Variants in NUBPL observed in about 807,000 individuals in gnomAD.
NUBPL encodes NUBP iron-sulfur cluster assembly factor, mitochondrial, also known as iron-sulfur cluster transfer protein NUBPL.
NUBPL carries 31 observed loss-of-function variants against 45.7 expected under a neutral mutation model. The ratio of observed to expected loss-of-function variants is 0.68; its 90% CI spans 0.51 to 0.92. The LOEUF (loss-of-function observed/expected upper bound fraction) is 0.92, where lower values mean the gene tolerates loss of function less well. Among genes scored for constraint, NUBPL ranks in the 40% least tolerant of loss-of-function variants. NUBPL has a pLI of 0.00. For synonymous variants in NUBPL, 144 were observed against 140.9 expected (o/e 1.02, Z -0.15); for missense variants, 401 against 398.7 (o/e 1.01, Z -0.05).
At chr14:31,607,683 G>A (rs1456704804) in intron 4 of NUBPL, among the ~76,000 whole-genome samples, 1 of 151,830 alleles carries the variant, frequency 6.6e-6, no homozygotes, top group African/African-American at 2.4e-5. Flanking sequence ...AAAATATATA[G>A]TCAGAGGAGA....
Position 31,826,644 on chromosome 14 carries a change from C to T in NUBPL, c.623C>T (p.Ser208Phe). 1 of 1,614,086 alleles carries T rather than the reference C, an allele frequency of 6.2e-7. No individual in the cohort carries two copies. Among genetic ancestry groups the T allele is most frequent in the Non-Finnish European group, 8.5e-7 (1 of 1,179,948 alleles). ...NIPITGAVIV[S>F]TPQDIALMDA... Reference sequence around the variant, plus strand: ...CTTTGGCTAGGTGCTGTGATTGTCTCCACGCCCCAGGACATCGCATTGATG... The same window carrying T: ...CTTTGGCTAGGTGCTGTGATTGTCTTCACGCCCCAGGACATCGCATTGATG... Residue 208 changes from serine to phenylalanine, a missense_variant, in exon 8 of 11, where the codon TCC (serine) becomes TTC (phenylalanine). Physicochemically the swap from Ser to Phe is radical, Grantham distance 155 (BLOSUM62 -2). Coordinates refer to ENST00000281081, the MANE Select transcript of NUBPL (RefSeq NM_025152.3).
chr14:31,621,290 G>A (rs994143912), intron 4 of NUBPL, among the ~76,000 whole-genome samples: 1 of 152,060 alleles, frequency 6.6e-6, no homozygotes, highest in African/African-American at 2.4e-5. Context: ...GGGAGTGAAC[G>A]GTTTTTTTTC....
chr14:31,683,061 T>C (rs371807236), intron 6 of NUBPL, among the ~76,000 whole-genome samples: 13 of 142,024 alleles, frequency 9.2e-5, no homozygotes, highest in Admixed American at 7.3e-4. Context: ...TAGAAACTAA[T>C]AGAGTGAGAA....
chr14:31,694,673 G>A (rs1455398880), intron 6 of NUBPL, among the ~76,000 whole-genome samples: 3 of 152,118 alleles, frequency 2.0e-5, no homozygotes, highest in Admixed American at 6.5e-5. Flanking sequence ...GCGCCATGAC[G>A]TCTGGCTAAT....
intron 7 of NUBPL, among the ~76,000 whole-genome samples, chr14:31,816,350 T>C (rs1211974612): frequency 6.6e-6 from 1 of 152,200 alleles, no homozygotes; most frequent in Non-Finnish European, 1.5e-5. Context: ...GATGGTAGTT[T>C]GTATTTCTGT....
At chr14:31,605,837 T>C (rs796341540) in intron 4 of NUBPL, among the ~76,000 whole-genome samples, 1 of 143,952 alleles carries the variant, frequency 6.9e-6, no homozygotes, top group African/African-American at 2.7e-5. Context: ...CGTCTCCTCC[T>C]TTCTTCCTCC....
intron 4 of NUBPL, among the ~76,000 whole-genome samples, chr14:31,601,830 G>A (rs1350906640): frequency 6.6e-6 from 1 of 152,144 alleles, no homozygotes; most frequent in African/African-American, 2.4e-5. Context: ...AGTCAGTGTG[G>A]CGATTCCTCA....
In NUBPL at chr14:31,583,827, C is replaced by G. The variant is rs529360140; in HGVS notation, c.292-15462C>G. Among the ~76,000 whole-genome samples, 297 of 152,074 alleles carry G rather than the reference C, an allele frequency of 2.0e-3. 2 individuals are homozygous for G. Among genetic ancestry groups the G allele is most frequent in the African/African-American group, 6.8e-3 (281 of 41,470 alleles). On this transcript the variant is annotated intron_variant, in intron 3 of 10. Transcript: ENST00000281081. ...GGAGAAGGAGGTAGAATTGGTAGGTCTCGGTTATAGATTGGATATGGGAGT... is the reference window on the plus strand; with the variant it reads ...GGAGAAGGAGGTAGAATTGGTAGGTGTCGGTTATAGATTGGATATGGGAGT...
intron 6 of NUBPL, among the ~76,000 whole-genome samples, chr14:31,787,490 T>G (rs2039304789): frequency 6.6e-6 from 1 of 152,108 alleles, no homozygotes; most frequent in Non-Finnish European, 1.5e-5. Flanking sequence ...TAAAAATAAG[T>G]GAATGGTCCT....
At chr14:31,676,393 A>G (rs1346137787) in intron 6 of NUBPL, among the ~76,000 whole-genome samples, 4 of 152,210 alleles carry the variant, frequency 2.6e-5, no homozygotes, top group Non-Finnish European at 2.9e-5. Flanking sequence ...ATTGTTGCAT[A>G]TAATAGTAGT....
chr14:31,741,567 T>C (rs1007845255), intron 6 of NUBPL, among the ~76,000 whole-genome samples: 5 of 152,148 alleles, frequency 3.3e-5, no homozygotes, highest in Non-Finnish European at 5.9e-5. Flanking sequence ...AAGCACCAGC[T>C]TTTTCTCTGA....
intron 6 of NUBPL, among the ~76,000 whole-genome samples, chr14:31,723,522 T>C (rs1256453912): frequency 6.6e-6 from 1 of 152,224 alleles, no homozygotes; most frequent in Non-Finnish European, 1.5e-5. Context: ...AATCTGTAAA[T>C]TGCTTTGAGC....
intron 6 of NUBPL, among the ~76,000 whole-genome samples, chr14:31,740,576 G>A (rs2038261605): frequency 6.6e-6 from 1 of 152,028 alleles, no homozygotes. Context: ...GTGTCTTTTG[G>A]AAATATTTTC....
At position 31,829,394 on chromosome 14, in the gene NUBPL, G is replaced by A. The variant is rs2040154684; in HGVS notation, c.693+2680G>A. ...TAGGTATTCAGTAATGTTTGCAAGT[G>A]AATGAGTGAGAACTTTCCAGCAATA... On this transcript the variant is annotated intron_variant, in intron 8 of 10. Coordinates refer to ENST00000281081, the MANE Select transcript of NUBPL (RefSeq NM_025152.3). Among the ~76,000 whole-genome samples, 2 of 152,050 alleles carry A rather than the reference G, an allele frequency of 1.3e-5. 1 individual carries two copies. The highest frequency in any genetic ancestry group is 4.1e-4 in the South Asian group (2 of 4,820).
At chr14:31,570,228 T>G (rs2033545251) in intron 3 of NUBPL, among the ~76,000 whole-genome samples, 1 of 152,220 alleles carries the variant, frequency 6.6e-6, no homozygotes, top group African/African-American at 2.4e-5. Context: ...TGTGTTTATG[T>G]GTCTATATTT....
intron 10 of NUBPL, among the ~76,000 whole-genome samples, chr14:31,855,943 A>G (rs544722749): frequency 6.6e-6 from 1 of 152,352 alleles, no homozygotes; most frequent in African/African-American, 2.4e-5. Context: ...CCCCAGAGTA[A>G]CTGTGAAGAT....
At chr14:31,798,811 A>T (rs2039523106) in intron 7 of NUBPL, among the ~76,000 whole-genome samples, 1 of 150,952 alleles carries the variant, frequency 6.6e-6, no homozygotes, top group South Asian at 2.1e-4. Flanking sequence ...AAAAAAAAAA[A>T]AAAAAAGAAA....
intron 6 of NUBPL, among the ~76,000 whole-genome samples, chr14:31,689,326 GC>G (rs1357419880): frequency 6.6e-6 from 1 of 152,070 alleles, no homozygotes; most frequent in Non-Finnish European, 1.5e-5. Context: ...ACCCTTGCCA[GC>G]ATCAGTTATT....
intron 7 of NUBPL, among the ~76,000 whole-genome samples, chr14:31,814,053 A>G (rs1329044849): frequency 6.6e-6 from 1 of 152,204 alleles, no homozygotes; most frequent in African/African-American, 2.4e-5. Flanking sequence ...TATACCCAGC[A>G]ATGGGATTGC....
Sources: gnomAD v4.1 joint callset for allele counts (sites outside exome capture counted in the v4.1 genomes callset) on GRCh38, gnomAD v4.1.1 for gene constraint, MANE v1.5 for transcripts, NCBI Gene and HGNC (gene_info 2026-07-23, HGNC 2026-07-21) for gene names.